USP9X: variants seen among roughly 807,000 people sequenced by gnomAD.
USP9X encodes the protein ubiquitin carboxyl-terminal hydrolase 9X.
A neutral mutation model predicts 190.3 loss-of-function variants in USP9X; 7 were observed. That is an observed-to-expected ratio of 0.04 (90% CI 0.02 to 0.07). The LOEUF is 0.07. Ranked by LOEUF, USP9X falls within the 10% of genes least tolerant of loss-of-function variation. The pLI is 1.00. For missense variants in USP9X, 1,010 were observed against 1,916.9 expected (o/e 0.53, Z 8.83); for synonymous variants, 645 against 659.5 (o/e 0.98, Z 0.34).
At chrX:41,142,183 T>A (rs1402447539) in intron 9 of USP9X, among the ~76,000 whole-genome samples, 1 of 111,458 alleles carries the variant, frequency 9.0e-6, no homozygotes, top group Non-Finnish European at 1.9e-5. Flanking sequence ...TTCATACATA[T>A]GATGTACGTA....
intron 41 of USP9X, among the ~76,000 whole-genome samples, chrX:41,227,902 G>A (rs1211053855): frequency 4.5e-5 from 5 of 111,971 alleles, no homozygotes; most frequent in African/African-American, 1.3e-4. Flanking sequence ...GGGTTTCACC[G>A]TGTTAGTCAG....
intron 41 of USP9X, among the ~76,000 whole-genome samples, chrX:41,226,987 T>A (rs1440185906): frequency 9.0e-6 from 1 of 111,562 alleles, no homozygotes. Context: ...CACTTACAGT[T>A]TTAAACCAGT....
chrX:41,181,010 C>T (rs918096376), intron 21 of USP9X, among the ~76,000 whole-genome samples: 12 of 111,396 alleles, frequency 1.1e-4, no homozygotes, highest in Non-Finnish European at 2.1e-4. Flanking sequence ...CCAAATGTTA[C>T]ACTTCTTTTC....
At chrX:41,195,589 G>A (rs749828087) in intron 26 of USP9X, among the ~76,000 whole-genome samples, 5 of 111,570 alleles carry the variant, frequency 4.5e-5, no homozygotes, top group East Asian at 2.8e-4. Flanking sequence ...CAATTTTTCC[G>A]TGGATCAGGG....
chrX:41,130,997 A>C (rs751567961), intron 3 of USP9X, among the ~76,000 whole-genome samples: 44 of 109,256 alleles, frequency 4.0e-4, no homozygotes, highest in African/African-American at 1.4e-3. Context: ...AAGTGCTGGG[A>C]TTAGAGGCGT....
intron 6 of USP9X, among the ~76,000 whole-genome samples, chrX:41,139,554 G>A (rs1454495498): frequency 8.9e-6 from 1 of 111,860 alleles, no homozygotes; most frequent in East Asian, 2.8e-4. Flanking sequence ...ACAGCTACTT[G>A]AGAGGCTGAA....
At chrX:41,156,124 T>C (rs2062576688) in intron 14 of USP9X, among the ~76,000 whole-genome samples, 2 of 112,358 alleles carry the variant, frequency 1.8e-5, no homozygotes, top group Admixed American at 9.3e-5. Flanking sequence ...GAGAAAAATA[T>C]AAACAATAGT....
At chrX:41,113,515 G>T (rs756288027) in intron 1 of USP9X, among the ~76,000 whole-genome samples, 2 of 111,958 alleles carry the variant, frequency 1.8e-5, no homozygotes, top group Non-Finnish European at 3.8e-5. Context: ...AAGTATTTTT[G>T]TACTCTAAAA....
chrX:41,181,435 CTTTTT>C (rs200403625), intron 21 of USP9X, among the ~76,000 whole-genome samples: 2 of 38,570 alleles, frequency 5.2e-5, no homozygotes, highest in Non-Finnish European at 1.1e-4. Context: ...CCACACCTGA[CTTTTT>C]TTTTTTTTTT....
At position 41,137,060 on chromosome X, in the gene USP9X, A is replaced by AGG. The variant is rs774462548; in HGVS notation, c.654+38_654+39insGG. ...GTTATTTTCAAAATTAAATAATACAATTGTTTTGTTCTGACACAGAATCTT... is the reference window on the plus strand; with the variant it reads ...GTTATTTTCAAAATTAAATAATACAAGGTTGTTTTGTTCTGACACAGAATCTT... On this transcript the variant is annotated intron_variant, in intron 6 of 44. Transcript: ENST00000378308. 31 of 1,122,343 alleles carry AGG rather than the reference A, an allele frequency of 2.8e-5. No individual in the cohort carries two copies. In the South Asian group the frequency reaches 5.9e-4, roughly 21 times the overall value. 92.5% of individuals were successfully genotyped at this position (1,122,343 alleles called of 1,213,427 possible).
At chrX:41,139,120 A>G (rs1569164591) in intron 6 of USP9X, among the ~76,000 whole-genome samples, 2 of 112,609 alleles carry the variant, frequency 1.8e-5, no homozygotes, top group Non-Finnish European at 3.7e-5. Flanking sequence ...GTATGTAACT[A>G]TCAAGTATAT....
chrX:41,190,557 A>G (rs1732844391), intron 26 of USP9X, among the ~76,000 whole-genome samples: 1 of 111,896 alleles, frequency 8.9e-6, no homozygotes, highest in African/African-American at 3.3e-5. Context: ...TTAATGATGC[A>G]TACGTGTGGG....
intron 1 of USP9X, among the ~76,000 whole-genome samples, chrX:41,099,201 C>A (rs1257310289): frequency 9.6e-6 from 1 of 103,990 alleles, no homozygotes; most frequent in Non-Finnish European, 2.0e-5. Flanking sequence ...GCCTCAGCCT[C>A]CCAGAGTGCT....
intron 1 of USP9X, among the ~76,000 whole-genome samples, chrX:41,093,049 G>C (rs752910510): frequency 9.0e-6 from 1 of 111,399 alleles, no homozygotes; most frequent in South Asian, 3.7e-4. Context: ...ATTTTTGTTA[G>C]AGAACAGGGG....
intron 2 of USP9X, 95 bp from the exon 3 acceptor site, chrX:41,128,905 T>A (rs2062281686): frequency 3.0e-6 from 3 of 985,682 alleles, no homozygotes; most frequent in African/African-American, 4.0e-5. Flanking sequence ...TTACAAAATT[T>A]TTAAATCTGC....
intron 25 of USP9X, among the ~76,000 whole-genome samples, chrX:41,188,682 A>C (rs1257104618): frequency 8.9e-6 from 1 of 111,869 alleles, no homozygotes; most frequent in East Asian, 2.8e-4. Flanking sequence ...AGCTTCTTTT[A>C]CATGGCCAAC....
intron 25 of USP9X, among the ~76,000 whole-genome samples, chrX:41,188,585 G>A (rs1446955667): frequency 9.0e-6 from 1 of 111,631 alleles, no homozygotes; most frequent in Non-Finnish European, 1.9e-5. Flanking sequence ...GCTGTGGTTG[G>A]CTTTTTGATT....
rs1167238628 is a variant in USP9X at position 41,106,865 on chromosome X, TTTTC to T, written c.-158-16594_-158-16591del. 8.1e-5 allele frequency among the ~76,000 whole-genome samples: 8 copies of T among 99,347 alleles called. No individual in the cohort carries two copies. In the East Asian group the frequency reaches 1.3e-3, roughly 16 times the overall value. The allele number at this position is 99,347 out of a possible 115,157, so 86.3% of individuals were successfully genotyped here. A position where few individuals can be genotyped will look rare whatever the true frequency, so the allele number is the denominator to read the frequency against. On this transcript the variant is annotated intron_variant, in intron 1 of 44. Transcript: ENST00000378308. ...TTTTTGAAATAAATTTGGTTGATAG[TTTTC>T]TTTCTTTCTTTTCTTTTCTTTTTTT... is the stretch of plus-strand genomic sequence containing the variant.
chrX:41,138,086 A>G (rs2062391075), intron 6 of USP9X, among the ~76,000 whole-genome samples: 1 of 111,330 alleles, frequency 9.0e-6, no homozygotes, highest in South Asian at 3.7e-4. Flanking sequence ...TCAAGAGTAC[A>G]ATTTTTAAAA....
Sources: gnomAD v4.1 joint callset for allele counts (sites outside exome capture counted in the v4.1 genomes callset) on GRCh38, gnomAD v4.1.1 for gene constraint, MANE v1.5 for transcripts, NCBI Gene and HGNC (gene_info 2026-07-23, HGNC 2026-07-21) for gene names.